XKR3: variants seen among roughly 807,000 people sequenced by gnomAD.
The protein encoded by XKR3 is XK related 3.
In XKR3, 27 loss-of-function variants were observed where a neutral mutation model predicts 40.3. That is an observed-to-expected ratio of 0.67 (90% CI 0.49 to 0.92). XKR3 has a LOEUF of 0.92. Among genes scored for constraint, XKR3 ranks in the 40% least tolerant of loss-of-function variants. The pLI, the probability that XKR3 is intolerant of heterozygous loss-of-function variation, is 0.00. For missense variants in XKR3, 472 were observed against 537.6 expected (o/e 0.88, Z 1.21); for synonymous variants, 193 against 195.4 (o/e 0.99, Z 0.10).
At position 16,784,299 on chromosome 22, in the gene XKR3, C is replaced by G. The variant is rs1601837410; in HGVS notation, c.700G>C (p.Glu234Gln). 6.2e-7 allele frequency: 1 copy of G among 1,614,174 alleles called. No individual in the cohort carries two copies. The highest frequency in any genetic ancestry group is 8.5e-7 in the Non-Finnish European group (1 of 1,180,034). ...DDTTIKLPPIEFFCVVMWRFL... is the reference protein window; with the variant it reads ...DDTTIKLPPIQFFCVVMWRFL... ...CGCCACATCACGACACAGAAGAATT[C>G]TATCGGCGGTAGCTTAATGGTAGTA... The change falls in exon 4 of 4, where the codon GAA becomes CAA. Residue 234 changes from glutamate (E) to glutamine (Q), a missense_variant. Glu to Gln is a conservative substitution (Grantham distance 29). Coordinates refer to ENST00000684488, the MANE Select transcript of XKR3 (RefSeq NM_001386955.1).
intron 1 of XKR3, among the ~76,000 whole-genome samples, chr22:16,809,454 T>C (rs1417870866): frequency 1.3e-5 from 2 of 152,244 alleles, no homozygotes; most frequent in African/African-American, 4.8e-5. Context: ...CTGAACTTTT[T>C]CTCTGCTTTT....
chr22:16,795,287 A>G (rs2060135814), intron 3 of XKR3, among the ~76,000 whole-genome samples: 1 of 152,240 alleles, frequency 6.6e-6, no homozygotes, highest in South Asian at 2.1e-4. Context: ...AAATCAAACA[A>G]CTTACAACAG....
At position 16,784,014 on chromosome 22, in the gene XKR3, A is replaced by G. The variant is rs9605145; in HGVS notation, c.985T>C (p.Leu329=). 643,775 of 1,613,988 alleles carry G rather than the reference A, an allele frequency of 0.4. 130,341 individuals are homozygous for G. The highest frequency in any genetic ancestry group is 0.46 in the African/African-American group (34,366 of 74,954). The part of the protein sequence containing the change: ...FSCWSAVKLQ[L]SDDKIIDGRQ... ...CCGTCAATTATTTTGTCATCTGACA[A>G]CTGCAGTTTCACTGCTGACCAGCAG... Residue 329 remains leucine (L), a synonymous_variant, in exon 4 of 4, where the codon TTG becomes CTG. Coordinates refer to ENST00000684488, the MANE Select transcript of XKR3 (RefSeq NM_001386955.1).
chr22:16,788,979 A>T (rs1472577302), intron 3 of XKR3, among the ~76,000 whole-genome samples: 5 of 152,198 alleles, frequency 3.3e-5, no homozygotes, highest in Admixed American at 1.3e-4. Flanking sequence ...TTATGCATAG[A>T]ACAATTGTAA....
At chr22:16,805,086 G>A (rs1210979169) in intron 2 of XKR3, among the ~76,000 whole-genome samples, 4 of 152,112 alleles carry the variant, frequency 2.6e-5, no homozygotes, top group African/African-American at 9.7e-5. Context: ...ATAATTAGTT[G>A]TTGGGTTACC....
intron 3 of XKR3, among the ~76,000 whole-genome samples, chr22:16,787,565 A>T (rs200348681): frequency 3.5e-4 from 2 of 5,678 alleles, no homozygotes; most frequent in Non-Finnish European, 7.6e-4. Context: ...GTCTCAAATT[A>T]AAAAAAAAAA....
At chr22:16,794,217 A>G (rs2060131739) in intron 3 of XKR3, among the ~76,000 whole-genome samples, 1 of 152,212 alleles carries the variant, frequency 6.6e-6, no homozygotes, top group Non-Finnish European at 1.5e-5. Context: ...GCCAGATGCT[A>G]TGTAAGATGA....
At chr22:16,791,778 G>GGAGAGAGA (rs763159994) in intron 3 of XKR3, among the ~76,000 whole-genome samples, 3 of 123,184 alleles carry the variant, frequency 2.4e-5, no homozygotes, top group Non-Finnish European at 3.4e-5. Context: ...GGAGAGAGAG[G>GGAGAGAGA]GAGAGAGAGA....
Position 16,807,816 on chromosome 22 carries a change from C to T in XKR3, c.258G>A (p.Met86Ile). The T allele has an allele frequency of 2.5e-6, 4 of 1,613,812 alleles. No homozygotes were observed. The highest frequency in any genetic ancestry group is 2.5e-6 in the Non-Finnish European group (3 of 1,179,848). Residue 86 changes from methionine to isoleucine, a missense_variant, in exon 2 of 4, where the codon ATG becomes ATA. By Grantham distance (10) the Met-to-Ile change is conservative. Transcript: ENST00000684488. ...TTCTCCTCAAGTCTTTGTTGAAAAA[C>T]ATCAGGATAATTTGATCCAAAATTG... ...VGAILDQIILMFFNKDLRRNK... is the reference protein window; with the variant it reads ...VGAILDQIILIFFNKDLRRNK...
intron 2 of XKR3, among the ~76,000 whole-genome samples, chr22:16,807,472 A>G (rs1189343454): frequency 6.6e-6 from 1 of 152,228 alleles, no homozygotes; most frequent in Admixed American, 6.5e-5. Flanking sequence ...AATGAGAAAA[A>G]TAGTAAAGAC....
At chr22:16,791,039 C>T (rs1210136474) in intron 3 of XKR3, among the ~76,000 whole-genome samples, 2 of 152,048 alleles carry the variant, frequency 1.3e-5, no homozygotes, top group African/African-American at 2.4e-5. Flanking sequence ...CCAGAAATTC[C>T]ACTTTTGAGA....
intron 3 of XKR3, among the ~76,000 whole-genome samples, chr22:16,797,008 A>G (rs2060143992): frequency 6.6e-6 from 1 of 152,236 alleles, no homozygotes; most frequent in Non-Finnish European, 1.5e-5. Context: ...GAACCCAGGT[A>G]TAAAGCCACA....
rs568795003 is a variant in XKR3, at chr22:16,806,250, T to C, written c.335+1489A>G. 4.1e-4 allele frequency among the ~76,000 whole-genome samples: 52 copies of C among 127,818 alleles called. 2 individuals are homozygous for C. The highest frequency in any genetic ancestry group is 1.3e-3 in the African/African-American group (46 of 35,892). The allele number at this position is 127,818 out of a possible 152,430, so 83.9% of individuals were successfully genotyped here. A position where few individuals can be genotyped will look rare whatever the true frequency, so the allele number is the denominator to read the frequency against. ...CTCCAGCCTCGGTGAAAAAGAATGA[T>C]AGTTCATCTCAAAAAAAAAAAGAAA... On this transcript the variant is annotated intron_variant, in intron 2 of 3. Transcript: ENST00000684488.
At chr22:16,790,157 A>G (rs1280942100) in intron 3 of XKR3, among the ~76,000 whole-genome samples, 1 of 152,126 alleles carries the variant, frequency 6.6e-6, no homozygotes, top group Non-Finnish European at 1.5e-5. Context: ...ATTTTTAAAA[A>G]CGTTTAAAAA....
intron 2 of XKR3, among the ~76,000 whole-genome samples, chr22:16,802,195 C>T (rs2060172005): frequency 6.6e-6 from 1 of 152,146 alleles, no homozygotes; most frequent in Non-Finnish European, 1.5e-5. Flanking sequence ...TCACTATACC[C>T]TTTAGATACT....
intron 3 of XKR3, among the ~76,000 whole-genome samples, chr22:16,795,668 C>G (rs7287507): frequency 2.0e-5 from 3 of 150,868 alleles, no homozygotes; most frequent in Non-Finnish European, 3.0e-5. Flanking sequence ...CCTAAATTAA[C>G]AAAGACAAAA....
chr22:16,785,958 A>G lies in XKR3; in HGVS notation c.590-1549T>C, dbSNP rs16981672. Among the ~76,000 whole-genome samples the G allele has an allele frequency of 4.7e-3, 713 of 152,274 alleles. 7 individuals carry two copies. Among genetic ancestry groups the G allele is most frequent in the African/African-American group, 0.016 (685 of 41,550 alleles). ...AGCAAAATAGTCATTCCTCGTCTAA[A>G]TTTATTATTCACTTTCTAACACCAT... On this transcript the variant is annotated intron_variant, in intron 3 of 3. Transcript: ENST00000684488.
intron 1 of XKR3, among the ~76,000 whole-genome samples, chr22:16,815,770 C>T (rs1386606736): frequency 6.6e-6 from 1 of 151,876 alleles, no homozygotes; most frequent in Non-Finnish European, 1.5e-5. Context: ...ATATTAATCA[C>T]CTCTCACTAC....
intron 1 of XKR3, among the ~76,000 whole-genome samples, chr22:16,815,241 A>C (rs777729865): frequency 6.6e-6 from 1 of 152,062 alleles, no homozygotes; most frequent in Admixed American, 6.5e-5. Flanking sequence ...TAATTGTATC[A>C]GCATTGCATA....
Sources: gnomAD v4.1 joint callset for allele counts (sites outside exome capture counted in the v4.1 genomes callset) on GRCh38, gnomAD v4.1.1 for gene constraint, MANE v1.5 for transcripts, NCBI Gene and HGNC (gene_info 2026-07-23, HGNC 2026-07-21) for gene names.